FRMD3: variants seen among roughly 807,000 people sequenced by gnomAD.
FRMD3 encodes the protein FERM domain-containing protein 3.
A neutral mutation model predicts 70.2 loss-of-function variants in FRMD3; 33 were observed. The observed-to-expected ratio is 0.47, with a 90% CI of 0.36 to 0.63. The LOEUF (loss-of-function observed/expected upper bound fraction) is 0.63, where lower values mean the gene tolerates loss of function less well. Among genes scored for constraint, FRMD3 ranks in the 20% least tolerant of loss-of-function variants. The pLI is 0.00. For synonymous variants in FRMD3, 279 were observed against 255.9 expected, an observed-to-expected ratio of 1.09 and a Z score of -0.86; for missense variants, 632 against 711.4, an observed-to-expected ratio of 0.89 and a Z score of 1.27.
intron 1 of FRMD3, among the ~76,000 whole-genome samples, chr9:83,502,522 C>A (rs974297763): frequency 1.1e-4 from 17 of 152,044 alleles, no homozygotes; most frequent in African/African-American, 2.9e-4. Context: ...CTTACATGGG[C>A]CCAATAGAAG....
At chr9:83,294,631 G>A (rs905357849) in intron 12 of FRMD3, among the ~76,000 whole-genome samples, 1 of 152,304 alleles carries the variant, frequency 6.6e-6, no homozygotes, top group African/African-American at 2.4e-5. Flanking sequence ...CAAGGTAAAT[G>A]TCATATTTGC....
intron 1 of FRMD3, among the ~76,000 whole-genome samples, chr9:83,476,061 T>C (rs1828388815): frequency 6.6e-6 from 1 of 152,140 alleles, no homozygotes; most frequent in African/African-American, 2.4e-5. Context: ...GCTGTATCCT[T>C]GGGCCGACAA....
rs1159167438 is a variant in FRMD3, at chr9:83,537,494, G to C, written c.147+591C>G. ...CTCCATCCCTCAAGGCTGGCGCCCA[G>C]GGCAGCCCGGCCTCTCTCACTCTGG... On this transcript the variant is annotated intron_variant, in intron 1 of 13. Transcript: ENST00000304195. This position sits in a 1 kb window ranked among gnomAD's most constrained non-coding sequence, Gnocchi z 4.1. Among the ~76,000 whole-genome samples, 2 of 152,224 alleles carry C rather than the reference G, an allele frequency of 1.3e-5. No individual in the cohort carries two copies. Among genetic ancestry groups the C allele is most frequent in the East Asian group, 3.9e-4 (2 of 5,184 alleles).
At chr9:83,450,069 G>T (rs1317772898) in intron 1 of FRMD3, among the ~76,000 whole-genome samples, 1 of 145,212 alleles carries the variant, frequency 6.9e-6, no homozygotes, top group Non-Finnish European at 1.5e-5. Context: ...ATTTACAGAA[G>T]CACCCATAAA....
In FRMD3 at chr9:83,538,206, G is replaced by A. The variant is rs200662905; in HGVS notation, c.26C>T (p.Pro9Leu). 7 of 1,586,838 alleles carry A rather than the reference G, an allele frequency of 4.4e-6. No individual in the cohort carries two copies. The highest frequency in any genetic ancestry group is 1.3e-5 in the African/African-American group (1 of 74,534). The change falls in exon 1 of 14, where the codon CCG becomes CTG. Residue 9 changes from proline (P) to leucine (L), a missense_variant. Coordinates refer to ENST00000304195, the MANE Select transcript of FRMD3 (RefSeq NM_174938.6). This position sits in a 1 kb window ranked among gnomAD's most constrained non-coding sequence, Gnocchi z 4.7. MFASCHCVPRGRRTMKMIH... is the reference protein window; with the variant it reads MFASCHCVLRGRRTMKMIH... Reference sequence around the variant, plus strand: ...CATTTTCATGGTCCTCCTGCCTCTCGGCACACAGTGGCAGGAGGCGAACAT... The same window carrying A: ...CATTTTCATGGTCCTCCTGCCTCTCAGCACACAGTGGCAGGAGGCGAACAT...
intron 1 of FRMD3, among the ~76,000 whole-genome samples, chr9:83,529,596 G>A (rs1456116411): frequency 1.3e-5 from 2 of 151,958 alleles, no homozygotes; most frequent in Non-Finnish European, 1.5e-5. Flanking sequence ...CCTTGAATTG[G>A]GCAATAGTTC....
At chr9:83,441,410 TA>T (rs1827291161) in intron 1 of FRMD3, among the ~76,000 whole-genome samples, 1 of 151,936 alleles carries the variant, frequency 6.6e-6, no homozygotes, top group Non-Finnish European at 1.5e-5. Flanking sequence ...GGAGAAAAAA[TA>T]AATAATCTCA....
rs139594830 is a variant in FRMD3, at chr9:83,299,186, C to T, written c.927G>A (p.Lys309=). ...TCTTGATCTGACTGGATTTTGCATA[C>T]CTTTAAGAAAAAGCAAAGCACAGGT... The part of the protein sequence containing the change: ...KCGVENQAFY[K]YAKSSQIKTV... Residue 309 remains lysine, a splice_region_variant and synonymous_variant, in exon 11 of 14, where the codon AAG becomes AAA. Coordinates refer to ENST00000304195, the MANE Select transcript of FRMD3 (RefSeq NM_174938.6). 19 of 1,608,116 alleles carry T rather than the reference C, an allele frequency of 1.2e-5. No individual in the cohort carries two copies. In the East Asian group the frequency reaches 2.2e-4, roughly 19 times the overall value.
chr9:83,405,339 G>A (rs1437461635), intron 1 of FRMD3, among the ~76,000 whole-genome samples: 2 of 152,136 alleles, frequency 1.3e-5, no homozygotes, highest in African/African-American at 4.8e-5. Context: ...TGTTAGCAGA[G>A]CGCCACCCTG....
At chr9:83,326,988 C>T (rs757624245) in intron 6 of FRMD3, among the ~76,000 whole-genome samples, 3 of 152,290 alleles carry the variant, frequency 2.0e-5, no homozygotes, top group South Asian at 2.1e-4. Context: ...ACATACAGTA[C>T]AAAACCAGAT....
rs770814755 is a variant in FRMD3, at chr9:83,290,721, G to A, written c.1077C>T (p.Asn359=). ...AGTGGGAACTGCGGCTCTGAGTAAT[G>A]TTGGCTCTGAAAACAGACACAAGCC... ...QREPPEVHRA[N]ITQSRSSHSL... Residue 359 remains asparagine, a synonymous_variant, in exon 13 of 14, where the codon AAC becomes AAT. Coordinates refer to ENST00000304195, the MANE Select transcript of FRMD3 (RefSeq NM_174938.6). 1.9e-6 allele frequency: 3 copies of A among 1,606,982 alleles called. No individual in the cohort carries two copies. Among genetic ancestry groups the A allele is most frequent in the Non-Finnish European group, 2.6e-6 (3 of 1,175,996 alleles).
chr9:83,340,737 CAGCAAAACTCCAGGT>C (rs1297249789), intron 5 of FRMD3, among the ~76,000 whole-genome samples: 2 of 152,116 alleles, frequency 1.3e-5, no homozygotes, highest in Non-Finnish European at 2.9e-5. Context: ...TATGTACAGG[CAGCAAAACTCCAGGT>C]GATTGACTGG....
At chr9:83,250,026 C>T (rs1832325608) in intron 13 of FRMD3, among the ~76,000 whole-genome samples, 1 of 152,172 alleles carries the variant, frequency 6.6e-6, no homozygotes, top group South Asian at 2.1e-4. Flanking sequence ...CAGCTGTGGT[C>T]TGCAGCACTC....
chr9:83,382,304 A>G (rs2131281379), intron 2 of FRMD3, among the ~76,000 whole-genome samples: 1 of 152,334 alleles, frequency 6.6e-6, no homozygotes, highest in South Asian at 2.1e-4. Flanking sequence ...GTTCAAGGGT[A>G]CATGTGCAGA....
intron 1 of FRMD3, among the ~76,000 whole-genome samples, chr9:83,416,417 T>C (rs534019235): frequency 6.6e-6 from 1 of 152,354 alleles, no homozygotes; most frequent in East Asian, 1.9e-4. Flanking sequence ...TTCTATGCAG[T>C]GGCCTTCTCT....
chr9:83,274,773 G>A (rs79484689), intron 13 of FRMD3, among the ~76,000 whole-genome samples: 1,636 of 152,340 alleles, frequency 0.011, 25 homozygotes, highest in African/African-American at 0.033. Context: ...ACTACTTCCA[G>A]CAAAGACTGT....
At chr9:83,276,529 G>T (rs1342798180) in intron 13 of FRMD3, 1 of 152,174 alleles carries the variant, frequency 6.6e-6, no homozygotes, top group Non-Finnish European at 1.5e-5. Flanking sequence ...TGGGCTCCTT[G>T]TGTTGCTGTC....
At chr9:83,462,309 T>C (rs536434725) in intron 1 of FRMD3, among the ~76,000 whole-genome samples, 5 of 152,328 alleles carry the variant, frequency 3.3e-5, no homozygotes, top group Admixed American at 2.0e-4. Flanking sequence ...GCCCTGTACC[T>C]TGGCCAAGGT....
intron 1 of FRMD3, among the ~76,000 whole-genome samples, chr9:83,405,760 CAA>C (rs34189949): frequency 2.6e-4 from 36 of 138,694 alleles, no homozygotes; most frequent in Admixed American, 5.8e-4. Flanking sequence ...GAAACTCAGT[CAA>C]AAAAAAAAAA....
Sources: gnomAD v4.1 joint callset for allele counts (sites outside exome capture counted in the v4.1 genomes callset) on GRCh38, gnomAD v4.1.1 for gene constraint, Gnocchi (gnomAD v3.1) non-coding constraint, MANE v1.5 for transcripts, NCBI Gene and HGNC (gene_info 2026-07-23, HGNC 2026-07-21) for gene names.